The following NPTN variants were observed in gnomAD, a reference collection of about 807,000 sequenced individuals.
NPTN encodes neuroplastin.
Under a neutral mutation model 42.7 loss-of-function variants are expected in NPTN, and 5 were observed. That is an observed-to-expected ratio of 0.12 (90% CI 0.06 to 0.25). The LOEUF (loss-of-function observed/expected upper bound fraction) is 0.25. NPTN is among the 10% of genes least tolerant of loss of function. NPTN has a pLI of 1.00. For missense variants in NPTN, 307 were observed against 525.4 expected (o/e 0.58, Z 4.06); for synonymous variants, 180 against 201.9 (o/e 0.89, Z 0.92).
At chr15:73,631,676 G>A (rs1418636651) in intron 1 of NPTN, among the ~76,000 whole-genome samples, 1 of 152,164 alleles carries the variant, frequency 6.6e-6, no homozygotes, top group South Asian at 2.1e-4. Context: ...AATAAACAAT[G>A]AAAGATTAGC....
chr15:73,616,731 T>G (rs962432981), intron 1 of NPTN, among the ~76,000 whole-genome samples: 1 of 152,158 alleles, frequency 6.6e-6, no homozygotes, highest in African/African-American at 2.4e-5. Flanking sequence ...GAGAGTCAGG[T>G]TATACTACTT....
At chr15:73,591,813 C>A (rs539283575) in intron 3 of NPTN, 153 bp downstream of exon 3, 299 of 638,698 alleles carry the variant, frequency 4.7e-4, no homozygotes, top group Non-Finnish European at 6.0e-4. Flanking sequence ...TTCTAGACTA[C>A]TGGGCCTTAC....
intron 5 of NPTN, among the ~76,000 whole-genome samples, chr15:73,572,987 C>G (rs1277292558): frequency 6.6e-6 from 1 of 152,162 alleles, no homozygotes; most frequent in Non-Finnish European, 1.5e-5. Context: ...CCCTCCTTCA[C>G]TCTCTTCCTC....
At chr15:73,587,648 G>A in intron 3 of NPTN, 30 bp from the exon 4 acceptor site, 3 of 1,463,984 alleles carry the variant, frequency 2.0e-6, no homozygotes, top group Non-Finnish European at 2.9e-6. Flanking sequence ...AACCAAGTGA[G>A]GAAACTGGGA....
At chr15:73,602,243 C>A (rs1402055285) in intron 1 of NPTN, among the ~76,000 whole-genome samples, 1 of 152,188 alleles carries the variant, frequency 6.6e-6, no homozygotes, top group African/African-American at 2.4e-5. Context: ...CAAGGCCAGG[C>A]CTTTAAGTCT....
intron 6 of NPTN, among the ~76,000 whole-genome samples, chr15:73,564,410 C>G (rs1380408858): frequency 6.6e-6 from 1 of 152,094 alleles, no homozygotes; most frequent in African/African-American, 2.4e-5. Context: ...CATTGCTCCA[C>G]CTGTTCCTTC....
intron 4 of NPTN, among the ~76,000 whole-genome samples, chr15:73,578,907 C>A (rs1033262554): frequency 4.2e-5 from 6 of 143,334 alleles, no homozygotes; most frequent in Non-Finnish European, 9.1e-5. Context: ...GCGAGAGAAT[C>A]GCTTGAACCT....
At chr15:73,588,901 C>T (rs1896450461) in intron 3 of NPTN, among the ~76,000 whole-genome samples, 1 of 152,178 alleles carries the variant, frequency 6.6e-6, no homozygotes, top group Non-Finnish European at 1.5e-5. Flanking sequence ...CTATCCCATA[C>T]CGAGTACCTA....
chr15:73,577,554 T>A (rs1321105111), intron 4 of NPTN, among the ~76,000 whole-genome samples: 1 of 152,168 alleles, frequency 6.6e-6, no homozygotes, highest in Non-Finnish European at 1.5e-5. Context: ...AACAACCCTT[T>A]CCCAAAACAG....
At chr15:73,604,699 A>G (rs548416411) in intron 1 of NPTN, among the ~76,000 whole-genome samples, 1 of 152,320 alleles carries the variant, frequency 6.6e-6, no homozygotes, top group African/African-American at 2.4e-5. Flanking sequence ...AATGGGGACA[A>G]TGATTCCTAT....
chr15:73,577,169 G>A (rs974444325), intron 4 of NPTN, among the ~76,000 whole-genome samples: 4 of 152,288 alleles, frequency 2.6e-5, no homozygotes, highest in Non-Finnish European at 5.9e-5. Context: ...CTATAGATGA[G>A]AGTAGTAATG....
intron 4 of NPTN, among the ~76,000 whole-genome samples, chr15:73,582,586 C>T (rs1437586390): frequency 1.3e-5 from 2 of 152,126 alleles, no homozygotes; most frequent in African/African-American, 2.4e-5. Flanking sequence ...TCAACCCTGG[C>T]TGTACACCAT....
chr15:73,633,341 G>T lies in NPTN; in HGVS notation c.-126C>A. On this transcript the variant is annotated 5_prime_UTR_variant, in exon 1 of 9. Transcript: ENST00000345330. ...TGAGCGAGGGAGGCAGCCGCGGCTCGGCTCCGTCCTTCCCCGTCCTCCTCC... is the reference window on the plus strand; with the variant it reads ...TGAGCGAGGGAGGCAGCCGCGGCTCTGCTCCGTCCTTCCCCGTCCTCCTCC... 1 of 665,050 alleles carries T rather than the reference G, an allele frequency of 1.5e-6. No homozygotes were observed. Among genetic ancestry groups the T allele is most frequent in the South Asian group, 2.9e-5 (1 of 34,600 alleles). 41.2% of individuals were successfully genotyped at this position (665,050 alleles called of 1,614,324 possible). A position where few individuals can be genotyped will look rare whatever the true frequency, so the allele number is the denominator to read the frequency against.
intron 7 of NPTN, 102 bp downstream of exon 7, chr15:73,563,134 C>G: frequency 1.2e-6 from 1 of 840,792 alleles, no homozygotes; most frequent in East Asian, 2.5e-5. Flanking sequence ...CATTTCCACT[C>G]ACTGTCTTCC....
intron 1 of NPTN, among the ~76,000 whole-genome samples, chr15:73,625,703 T>G (rs1898369821): frequency 6.6e-6 from 1 of 152,188 alleles, no homozygotes; most frequent in Non-Finnish European, 1.5e-5. Flanking sequence ...TCATATAAAC[T>G]AACCCCTACT....
rs74678076 is a variant in NPTN, at chr15:73,581,628, C to T, written c.706+5896G>A. The stretch of plus-strand genomic sequence containing the variant: ...GGCAGTCTGGGACTCTGGCTGAGGA[C>T]GAATGCATGTTCCTTAGTACCCTCT... On this transcript the variant is annotated intron_variant, in intron 4 of 8. Coordinates refer to ENST00000345330, the MANE Select transcript of NPTN (RefSeq NM_012428.4). Among the ~76,000 whole-genome samples the T allele has an allele frequency of 1.0e-2, 1,517 of 152,220 alleles. 16 individuals are homozygous for T. The highest frequency in any genetic ancestry group is 0.014 in the Non-Finnish European group (947 of 68,012).
At chr15:73,591,064 T>C (rs759495093) in intron 3 of NPTN, among the ~76,000 whole-genome samples, 1 of 152,146 alleles carries the variant, frequency 6.6e-6, no homozygotes, top group East Asian at 1.9e-4. Context: ...TAAAATACAG[T>C]ATTTGGCCTT....
intron 4 of NPTN, among the ~76,000 whole-genome samples, chr15:73,576,465 A>G (rs1895702070): frequency 6.6e-6 from 1 of 152,160 alleles, no homozygotes; most frequent in Non-Finnish European, 1.5e-5. Flanking sequence ...AGTAGCTAGG[A>G]TTATAGGCAT....
intron 1 of NPTN, among the ~76,000 whole-genome samples, chr15:73,615,992 C>T (rs1362804830): frequency 6.6e-6 from 1 of 152,098 alleles, no homozygotes; most frequent in African/African-American, 2.4e-5. Context: ...CTCTTTCTTC[C>T]CCAGAGGTTG....
Sources: gnomAD v4.1 joint callset for allele counts (sites outside exome capture counted in the v4.1 genomes callset) on GRCh38, gnomAD v4.1.1 for gene constraint, MANE v1.5 for transcripts, NCBI Gene and HGNC (gene_info 2026-07-23, HGNC 2026-07-21) for gene names.